The following CFAP299 variants were observed in gnomAD, a reference collection of about 807,000 sequenced individuals.
The protein encoded by CFAP299 is cilia and flagella associated protein 299.
Under a neutral mutation model 27.0 loss-of-function variants are expected in CFAP299, and 21 were observed. The observed-to-expected ratio is 0.78, with a 90% CI of 0.55 to 1.12. CFAP299 has a LOEUF of 1.12. Among genes scored for constraint, CFAP299 ranks in the 50% most tolerant of loss-of-function variants. The probability of loss-of-function intolerance (pLI) is 0.00; values close to 1 mark genes in which losing one functional copy is unlikely to be tolerated. For synonymous variants in CFAP299, 104 were observed against 98.1 expected (o/e 1.06, Z -0.36); for missense variants, 310 against 276.6 (o/e 1.12, Z -0.86).
chr4:80,386,354 C>T, intron 2 of CFAP299: 1 of 1,433,408 alleles, frequency 7.0e-7, no homozygotes, highest in Non-Finnish European at 9.5e-7. Context: ...CCGCGTTCAG[C>T]TCTGCGAAGG....
intron 3 of CFAP299, among the ~76,000 whole-genome samples, chr4:80,781,744 A>T (rs920800070): frequency 6.6e-6 from 1 of 152,000 alleles, no homozygotes; most frequent in Non-Finnish European, 1.5e-5. Context: ...AAATGACCAG[A>T]TTACATAGGA....
At chr4:80,832,204 G>A (rs1238896033) in intron 3 of CFAP299, among the ~76,000 whole-genome samples, 1 of 152,098 alleles carries the variant, frequency 6.6e-6, no homozygotes, top group Admixed American at 6.6e-5. Flanking sequence ...ATTTTTAGCA[G>A]TACAGGATAC....
At chr4:80,802,330 C>A (rs1364577898) in intron 3 of CFAP299, among the ~76,000 whole-genome samples, 1 of 152,010 alleles carries the variant, frequency 6.6e-6, no homozygotes, top group African/African-American at 2.4e-5. Flanking sequence ...ATTGTTTTAG[C>A]AGTGTGTGGG....
intron 3 of CFAP299, among the ~76,000 whole-genome samples, chr4:80,702,849 T>C (rs1042463873): frequency 2.6e-5 from 4 of 151,754 alleles, no homozygotes; most frequent in Admixed American, 6.6e-5. Context: ...TTCTGATTTG[T>C]GGCGTATCTC....
intron 3 of CFAP299, among the ~76,000 whole-genome samples, chr4:80,784,478 CTCTTTCTTTCTT>C (rs376395351): frequency 2.0e-5 from 3 of 151,600 alleles, no homozygotes; most frequent in Non-Finnish European, 4.4e-5. Flanking sequence ...ACTTCTTGGC[CTCTTTCTTTCTT>C]TCTTTCTTTT....
intron 3 of CFAP299, among the ~76,000 whole-genome samples, chr4:80,767,679 T>A (rs1386448943): frequency 6.6e-6 from 1 of 152,206 alleles, no homozygotes; most frequent in East Asian, 1.9e-4. Flanking sequence ...CAGTTGACCA[T>A]GGGTAACAGA....
At chr4:80,701,757 A>G (rs1175060821) in intron 3 of CFAP299, among the ~76,000 whole-genome samples, 2 of 151,964 alleles carry the variant, frequency 1.3e-5, no homozygotes, top group South Asian at 2.1e-4. Flanking sequence ...ATGGAAAAAA[A>G]TCCCTATTGA....
At chr4:80,498,367 C>T (rs1050124631) in intron 2 of CFAP299, among the ~76,000 whole-genome samples, 3 of 152,010 alleles carry the variant, frequency 2.0e-5, no homozygotes, top group African/African-American at 7.2e-5. Context: ...GTCTAATATC[C>T]AGAATCTATA....
the CFAP299 span, among the ~76,000 whole-genome samples, chr4:80,328,629 A>T: frequency 6.6e-6 from 1 of 152,108 alleles, no homozygotes; most frequent in African/African-American, 2.4e-5. Context: ...CCACTAAGAC[A>T]GTATGTTGGT....
chr4:80,549,008 C>T (rs72659868), intron 2 of CFAP299, among the ~76,000 whole-genome samples: 1,817 of 152,178 alleles, frequency 0.012, 22 homozygotes, highest in Non-Finnish European at 0.017. Context: ...AAAATCATCA[C>T]ATGTTTCAAG....
At chr4:80,413,769 CT>C (rs1726853123) in intron 2 of CFAP299, among the ~76,000 whole-genome samples, 1 of 40,996 alleles carries the variant, frequency 2.4e-5, no homozygotes, top group Non-Finnish European at 5.3e-5. Context: ...TTTTTTTTTG[CT>C]TTTAACTGCA....
intron 2 of CFAP299, among the ~76,000 whole-genome samples, chr4:80,552,486 T>C (rs531937816): frequency 3.3e-5 from 5 of 152,286 alleles, no homozygotes; most frequent in African/African-American, 1.2e-4. Flanking sequence ...ATGCTTTTAT[T>C]GGAAATGAGT....
At chr4:80,380,785 C>T (rs548448684) in intron 2 of CFAP299, among the ~76,000 whole-genome samples, 8 of 152,188 alleles carry the variant, frequency 5.3e-5, no homozygotes, top group South Asian at 2.1e-4. Flanking sequence ...ATTCAGTAAT[C>T]GTCTACAATC....
chr4:80,386,382 G>A, intron 2 of CFAP299: 1 of 1,519,634 alleles, frequency 6.6e-7, no homozygotes, highest in Non-Finnish European at 8.9e-7. Context: ...GCCCGGGACG[G>A]CCTCGGGCAC....
chr4:80,615,980 T>C (rs1738251036), intron 3 of CFAP299, among the ~76,000 whole-genome samples: 2 of 152,188 alleles, frequency 1.3e-5, no homozygotes, highest in Admixed American at 1.3e-4. Flanking sequence ...TTGACCCTAC[T>C]TTCCTATATT....
chr4:80,406,595 G>T (rs1054856313), intron 2 of CFAP299, among the ~76,000 whole-genome samples: 1 of 151,948 alleles, frequency 6.6e-6, no homozygotes, highest in Non-Finnish European at 1.5e-5. Flanking sequence ...CAAATGTCTG[G>T]ACTCAAGAGA....
At chr4:80,624,612 T>A (rs1044157557) in intron 3 of CFAP299, among the ~76,000 whole-genome samples, 1 of 151,870 alleles carries the variant, frequency 6.6e-6, no homozygotes, top group African/African-American at 2.4e-5. Flanking sequence ...GAGAAAGACA[T>A]CAATTTCCAG....
intron 3 of CFAP299, among the ~76,000 whole-genome samples, chr4:80,704,455 T>C (rs564837662): frequency 3.3e-5 from 5 of 151,812 alleles, no homozygotes; most frequent in East Asian, 3.9e-4. Flanking sequence ...CAGAGTTAAA[T>C]TGAAGACCTA....
chr4:80,782,555 T>C (rs201459967), intron 3 of CFAP299, among the ~76,000 whole-genome samples: 191 of 144,896 alleles, frequency 1.3e-3, no homozygotes, highest in Middle Eastern at 7.2e-3. Context: ...TATAACATAT[T>C]GATATATAAT....
Sources: gnomAD v4.1 joint callset for allele counts (sites outside exome capture counted in the v4.1 genomes callset) on GRCh38, gnomAD v4.1.1 for gene constraint, MANE v1.5 for transcripts, NCBI Gene and HGNC (gene_info 2026-07-23, HGNC 2026-07-21) for gene names.